Variants in RPTOR observed in about 807,000 individuals in gnomAD.
RPTOR encodes regulatory-associated protein of mTOR.
Under a neutral mutation model 169.9 loss-of-function variants are expected in RPTOR, and 21 were observed. The observed-to-expected ratio is 0.12, with a 90% CI of 0.09 to 0.18. The LOEUF (loss-of-function observed/expected upper bound fraction) is 0.18. Among genes scored for constraint, RPTOR ranks in the 10% least tolerant of loss-of-function variants. The pLI, the probability that RPTOR is intolerant of heterozygous loss-of-function variation, is 1.00. For synonymous variants in RPTOR, 732 were observed against 753.2 expected (o/e 0.97, Z 0.46); for missense variants, 1,133 against 1,855.9 (o/e 0.61, Z 7.16).
chr17:80,834,676 C>T (rs1305773440), intron 9 of RPTOR, among the ~76,000 whole-genome samples: 5 of 152,196 alleles, frequency 3.3e-5, no homozygotes, highest in Non-Finnish European at 7.3e-5. Flanking sequence ...CTTTGCTGGG[C>T]GGCATCCTGT....
chr17:80,898,764 G>A (rs1030785757), intron 20 of RPTOR, among the ~76,000 whole-genome samples: 8 of 147,880 alleles, frequency 5.4e-5, no homozygotes, highest in African/African-American at 2.0e-4. Context: ...TCACCCCGCC[G>A]TCTCCGTCTA....
intron 3 of RPTOR, among the ~76,000 whole-genome samples, chr17:80,680,111 G>A (rs929732359): frequency 1.3e-5 from 2 of 152,212 alleles, no homozygotes; most frequent in Non-Finnish European, 2.9e-5. Context: ...CAGCCTGCTG[G>A]CTCTTCTGTG....
rs2066337122 is a variant in RPTOR at position 80,726,604 on chromosome 17, T to C, written c.508-3956T>C. Among the ~76,000 whole-genome samples, 3 of 152,112 alleles carry C rather than the reference T, an allele frequency of 2.0e-5. No homozygotes were observed. Among genetic ancestry groups the C allele is most frequent in the African/African-American group, 7.2e-5 (3 of 41,426 alleles). On this transcript the variant is annotated intron_variant, in intron 4 of 33. Transcript: ENST00000306801. The surrounding 1 kb of genome is among the most constrained non-coding windows in gnomAD (Gnocchi z 4.5). ...ATGCCACTTTGCAGCCCTGGGACCC[T>C]CGGGGTTGTACCTAGAAGGTAGTAA...
At chr17:80,850,244 TCCA>T (rs1259756272) in intron 11 of RPTOR, among the ~76,000 whole-genome samples, 1 of 152,236 alleles carries the variant, frequency 6.6e-6, no homozygotes, top group Non-Finnish European at 1.5e-5. Flanking sequence ...TGCCTGTTAT[TCCA>T]CCTGTGTGTC....
chr17:80,809,384 G>A (rs1009086782), intron 7 of RPTOR, among the ~76,000 whole-genome samples: 7 of 152,066 alleles, frequency 4.6e-5, no homozygotes, highest in African/African-American at 1.7e-4. Flanking sequence ...GTAGAGATGG[G>A]GTTTCACCAT....
intron 12 of RPTOR, 84 bp from the exon 13 acceptor site, chr17:80,857,706 C>G (rs924271241): frequency 2.3e-6 from 2 of 858,266 alleles, no homozygotes; most frequent in South Asian, 2.9e-5. Context: ...AAGATAGCAC[C>G]GCAGCTGGTC....
rs116597026 is a variant in RPTOR at position 80,936,716 on chromosome 17, T to C, written c.2920-3780T>C. Among the ~76,000 whole-genome samples the C allele has an allele frequency of 4.6e-4, 70 of 152,378 alleles. No homozygotes were observed. Among genetic ancestry groups the C allele is most frequent in the Middle Eastern group, 3.4e-3 (1 of 294 alleles). On this transcript the variant is annotated intron_variant, in intron 24 of 33. Transcript: ENST00000306801. This position sits in a 1 kb window ranked among gnomAD's most constrained non-coding sequence, Gnocchi z 4.1. ...TGTACCTACAGAGGGCGAAATTCAC[T>C]GTACGTAAGTTACATCTTCATCAAC...
At chr17:80,834,061 TTAAA>T (rs376626332) in intron 9 of RPTOR, among the ~76,000 whole-genome samples, 15 of 152,312 alleles carry the variant, frequency 9.8e-5, no homozygotes, top group East Asian at 9.7e-4. Context: ...TGTAATTTGG[TTAAA>T]TAAATAAATA....
At chr17:80,886,050 G>A (rs1447904565) in intron 17 of RPTOR, among the ~76,000 whole-genome samples, 1 of 152,268 alleles carries the variant, frequency 6.6e-6, no homozygotes, top group East Asian at 1.9e-4. Context: ...GCACAGAGCT[G>A]CTCTATGGGC....
At chr17:80,818,410 C>T (rs1368633195) in intron 7 of RPTOR, among the ~76,000 whole-genome samples, 2 of 152,210 alleles carry the variant, frequency 1.3e-5, no homozygotes. Flanking sequence ...GGACAACATA[C>T]ACCAATAGGC....
chr17:80,646,369 T>C lies in RPTOR; in HGVS notation c.348+2559T>C, dbSNP rs1360361794. On this transcript the variant is annotated intron_variant, in intron 3 of 33. Transcript: ENST00000306801. This position sits in a 1 kb window ranked among gnomAD's most constrained non-coding sequence, Gnocchi z 5.0. ...GGTGTGAGCGTGGGGCTGTGCCATA[T>C]GCACTGGGTAATAATAGCACTTGCC... Among the ~76,000 whole-genome samples, 1 of 152,208 alleles carries C rather than the reference T, an allele frequency of 6.6e-6. No individual in the cohort carries two copies. The highest frequency in any genetic ancestry group is 2.4e-5 in the African/African-American group (1 of 41,454).
intron 24 of RPTOR, among the ~76,000 whole-genome samples, chr17:80,930,244 G>GCTCATCCTCAA (rs2068865703): frequency 4.9e-4 from 10 of 20,560 alleles, no homozygotes; most frequent in Admixed American, 9.1e-4. Context: ...CTCATCCTCA[G>GCTCATCCTCAA]CTCAGCTCAT....
chr17:80,730,336 C>T lies in RPTOR; in HGVS notation c.508-224C>T, dbSNP rs2066379720. Among the ~76,000 whole-genome samples, 1 of 152,038 alleles carries T rather than the reference C, an allele frequency of 6.6e-6. No individual in the cohort carries two copies. Among genetic ancestry groups the T allele is most frequent in the Admixed American group, 6.6e-5 (1 of 15,264 alleles). ...GGCCAGGCTGGTCTTGAACTCCTGA[C>T]CTCAGGTGATCCACCCATCTCAGCC... On this transcript the variant is annotated intron_variant, in intron 4 of 33. Coordinates refer to ENST00000306801, the MANE Select transcript of RPTOR (RefSeq NM_020761.3). The surrounding 1 kb of genome is among the most constrained non-coding windows in gnomAD (Gnocchi z 4.2).
At chr17:80,650,257 G>A (rs916479449) in intron 3 of RPTOR, among the ~76,000 whole-genome samples, 1 of 152,234 alleles carries the variant, frequency 6.6e-6, no homozygotes, top group African/African-American at 2.4e-5. Context: ...GGCCACCTAG[G>A]GGATTCACTA....
At chr17:80,837,022 G>A (rs116681797) in intron 9 of RPTOR, among the ~76,000 whole-genome samples, 1 of 152,272 alleles carries the variant, frequency 6.6e-6, no homozygotes, top group African/African-American at 2.4e-5. Flanking sequence ...AAGGGCTGTG[G>A]AAGCTGCAGC....
chr17:80,675,482 G>A (rs576446220), intron 3 of RPTOR, among the ~76,000 whole-genome samples: 1 of 152,302 alleles, frequency 6.6e-6, no homozygotes, highest in South Asian at 2.1e-4. Flanking sequence ...CCCCGGTGGG[G>A]TGGGTTTACT....
chr17:80,600,397 A>T (rs927072359), intron 1 of RPTOR, among the ~76,000 whole-genome samples: 2 of 152,206 alleles, frequency 1.3e-5, no homozygotes, highest in African/African-American at 4.8e-5. Flanking sequence ...CAGGCTGTGA[A>T]AATCACCCAG....
intron 1 of RPTOR, among the ~76,000 whole-genome samples, chr17:80,547,861 G>A (rs74003966): frequency 0.054 from 8,284 of 152,226 alleles, 751 homozygotes; most frequent in African/African-American, 0.19. Flanking sequence ...CACAGTGTGT[G>A]TGACAGTTTC....
At chr17:80,737,661 C>T (rs1009000337) in intron 5 of RPTOR, among the ~76,000 whole-genome samples, 5 of 152,164 alleles carry the variant, frequency 3.3e-5, no homozygotes, top group African/African-American at 7.2e-5. Flanking sequence ...GTCAGTTTTG[C>T]GTACCTTATA....
Sources: gnomAD v4.1 joint callset for allele counts (sites outside exome capture counted in the v4.1 genomes callset) on GRCh38, gnomAD v4.1.1 for gene constraint, Gnocchi (gnomAD v3.1) non-coding constraint, MANE v1.5 for transcripts, NCBI Gene and HGNC (gene_info 2026-07-23, HGNC 2026-07-21) for gene names.